Variants in UVRAG observed in about 807,000 individuals in gnomAD.
UVRAG encodes the protein UV radiation resistance-associated gene protein.
In UVRAG, 19 loss-of-function variants were observed where a neutral mutation model predicts 78.0. That is an observed-to-expected ratio of 0.24 (90% confidence interval 0.17 to 0.36). UVRAG has a LOEUF of 0.36. UVRAG is among the 10% of genes least tolerant of loss of function. The probability of loss-of-function intolerance (pLI) is 1.00; values close to 1 mark genes in which losing one functional copy is unlikely to be tolerated. For synonymous variants in UVRAG, 323 were observed against 324.6 expected, an observed-to-expected ratio of 1.00 and a Z score of 0.05; for missense variants, 740 against 853.8, an observed-to-expected ratio of 0.87 and a Z score of 1.66.
intron 13 of UVRAG, among the ~76,000 whole-genome samples, chr11:76,069,307 T>TGC (rs1476941239): frequency 6.6e-6 from 1 of 152,192 alleles, no homozygotes; most frequent in East Asian, 1.9e-4. Flanking sequence ...TGTGTGTGTG[T>TGC]GCTGGATTAA....
chr11:76,137,004 C>G (rs113638460), intron 14 of UVRAG, among the ~76,000 whole-genome samples: 503 of 152,204 alleles, frequency 3.3e-3, no homozygotes, highest in South Asian at 0.011. Context: ...GATACTTCAA[C>G]TGTTTGGAGC....
intron 7 of UVRAG, among the ~76,000 whole-genome samples, chr11:75,965,249 T>C (rs1948995450): frequency 6.6e-6 from 1 of 152,242 alleles, no homozygotes; most frequent in African/African-American, 2.4e-5. Flanking sequence ...TACTTAGATT[T>C]CTCTCTAATT....
chr11:75,901,044 C>CT (rs1947483205), intron 5 of UVRAG, among the ~76,000 whole-genome samples: 1 of 152,114 alleles, frequency 6.6e-6, no homozygotes, highest in Non-Finnish European at 1.5e-5. Flanking sequence ...CCAGGGGTGT[C>CT]TAAGGCTTGA....
chr11:76,020,881 C>T (rs1950234060), intron 12 of UVRAG, among the ~76,000 whole-genome samples: 1 of 152,074 alleles, frequency 6.6e-6, no homozygotes, highest in Non-Finnish European at 1.5e-5. Flanking sequence ...TTTGCCAAAA[C>T]TCAAGTTCTA....
intron 12 of UVRAG, among the ~76,000 whole-genome samples, chr11:76,034,932 T>C (rs771548162): frequency 1.8e-4 from 28 of 152,196 alleles, no homozygotes; most frequent in Admixed American, 7.9e-4. Context: ...TGTAAATTAA[T>C]TAAACACACC....
chr11:76,028,547 A>C (rs746981148), intron 12 of UVRAG, among the ~76,000 whole-genome samples: 15 of 152,124 alleles, frequency 9.9e-5, no homozygotes, highest in Non-Finnish European at 2.1e-4. Context: ...TAAAAGTGCT[A>C]CTCCAGTGAA....
chr11:76,065,770 G>T lies in UVRAG; in HGVS notation c.1287G>T (p.Leu429=), dbSNP rs758930205. The change falls in exon 13 of 15, where the codon CTG becomes CTT. Residue 429 remains leucine (L), a synonymous_variant. Transcript: ENST00000356136. The part of the protein sequence containing the change: ...KLQFDYGVYL[L]NKNIAQLRYQ... The stretch of plus-strand genomic sequence containing the variant: ...AGTTTGATTATGGTGTCTATCTTCT[G>T]AACAAAAATATAGCACAGGTAAGTC... The T allele has an allele frequency of 5.6e-6, 9 of 1,613,676 alleles. No homozygotes were observed. In the African/African-American group the frequency reaches 1.2e-4, roughly 22 times the overall value.
At chr11:76,026,101 T>A (rs1226298919) in intron 12 of UVRAG, among the ~76,000 whole-genome samples, 1 of 152,162 alleles carries the variant, frequency 6.6e-6, no homozygotes, top group Admixed American at 6.6e-5. Flanking sequence ...AATAAATGAA[T>A]GAAAATGTCT....
At chr11:75,982,908 A>G (rs1949421288) in intron 7 of UVRAG, among the ~76,000 whole-genome samples, 1 of 152,092 alleles carries the variant, frequency 6.6e-6, no homozygotes, top group Non-Finnish European at 1.5e-5. Context: ...TCCTTTCATC[A>G]GTTGGTGGAC....
chr11:76,107,686 A>G (rs1234581559), intron 13 of UVRAG, among the ~76,000 whole-genome samples: 1 of 152,220 alleles, frequency 6.6e-6, no homozygotes. Flanking sequence ...TCACTGTAAG[A>G]AACAATATTA....
chr11:76,083,454 A>G (rs1951534642), intron 13 of UVRAG, among the ~76,000 whole-genome samples: 1 of 152,204 alleles, frequency 6.6e-6, no homozygotes, highest in Non-Finnish European at 1.5e-5. Flanking sequence ...ACCTGGAAGT[A>G]TGTAAGATTT....
intron 6 of UVRAG, among the ~76,000 whole-genome samples, chr11:75,929,924 A>G (rs567301661): frequency 6.6e-6 from 1 of 152,296 alleles, no homozygotes; most frequent in Admixed American, 6.5e-5. Flanking sequence ...TGCTTTAGGA[A>G]GCATTGTTGG....
intron 7 of UVRAG, among the ~76,000 whole-genome samples, chr11:75,963,786 C>A (rs1005794590): frequency 6.6e-6 from 1 of 152,112 alleles, no homozygotes; most frequent in African/African-American, 2.4e-5. Context: ...TATGAAATTT[C>A]TGCTGTTATC....
chr11:76,085,818 G>A (rs1330244307), intron 13 of UVRAG, among the ~76,000 whole-genome samples: 4 of 152,152 alleles, frequency 2.6e-5, no homozygotes, highest in East Asian at 3.9e-4. Context: ...ATCAAGGTAA[G>A]CAGGTTTGTC....
At chr11:76,051,978 T>C (rs960950773) in intron 12 of UVRAG, among the ~76,000 whole-genome samples, 5 of 152,166 alleles carry the variant, frequency 3.3e-5, no homozygotes, top group African/African-American at 1.2e-4. Flanking sequence ...TCCCTTGCCA[T>C]TCCTCCTTCA....
At chr11:75,920,008 G>GTTTTTTTTTTTTTTTTTT (rs140217190) in intron 6 of UVRAG, among the ~76,000 whole-genome samples, 1 of 55,492 alleles carries the variant, frequency 1.8e-5, no homozygotes, top group Non-Finnish European at 3.4e-5. Context: ...AATAATTTTG[G>GTTTTTTTTTTTTTTTTTT]TTTTTTTTTT....
intron 5 of UVRAG, among the ~76,000 whole-genome samples, chr11:75,909,633 A>G (rs1947691143): frequency 6.6e-6 from 1 of 152,216 alleles, no homozygotes; most frequent in African/African-American, 2.4e-5. Flanking sequence ...CACAGATTGC[A>G]TCTTTATAAT....
intron 6 of UVRAG, among the ~76,000 whole-genome samples, chr11:75,930,102 A>G (rs1159816174): frequency 1.3e-5 from 2 of 152,140 alleles, no homozygotes; most frequent in East Asian, 3.8e-4. Flanking sequence ...TAGGTGTTGT[A>G]TATATTTTAT....
intron 6 of UVRAG, among the ~76,000 whole-genome samples, chr11:75,945,844 T>G (rs182862394): frequency 2.0e-5 from 3 of 152,242 alleles, no homozygotes; most frequent in Non-Finnish European, 2.9e-5. Flanking sequence ...TTCTCCCTTT[T>G]TATCTAGCTA....
Sources: allele counts gnomAD v4.1 joint callset (sites outside exome capture counted in the v4.1 genomes callset), GRCh38; gene constraint gnomAD v4.1.1; transcripts MANE v1.5; gene names NCBI Gene and HGNC (gene_info 2026-07-23, HGNC 2026-07-21).